Variants in TIMM13 observed in about 807,000 individuals in gnomAD.
The protein encoded by TIMM13 is translocase of inner mitochondrial membrane 13, also known as mitochondrial import inner membrane translocase subunit Tim13.
TIMM13 carries 8 observed loss-of-function variants against 10.9 expected under a neutral mutation model. The observed-to-expected ratio is 0.73, with a 90% CI of 0.43 to 1.32. The LOEUF is 1.32. TIMM13 is among the 40% of genes most tolerant of loss of function. The probability of loss-of-function intolerance (pLI) is 0.01; values close to 1 mark genes in which losing one functional copy is unlikely to be tolerated. For missense variants in TIMM13, 147 were observed against 132.8 expected (o/e 1.11, Z -0.53); for synonymous variants, 68 against 52.5 (o/e 1.30, Z -1.28).
chr19:2,426,631 C>A lies in TIMM13; in HGVS notation c.*317G>T. ...CAGCTCCTGTGGTGTCTGACCACCCCCAACTCCGAAGTCCAGACAAGCTGT... is the reference window on the plus strand; with the variant it reads ...CAGCTCCTGTGGTGTCTGACCACCCACAACTCCGAAGTCCAGACAAGCTGT... On this transcript the variant is annotated 3_prime_UTR_variant, in exon 3 of 3. Coordinates refer to ENST00000215570, the MANE Select transcript of TIMM13 (RefSeq NM_012458.4). 1 of 474,642 alleles carries A rather than the reference C, an allele frequency of 2.1e-6. No individual in the cohort carries two copies. The allele number at this position is 474,642 out of a possible 1,614,324, so 29.4% of individuals were successfully genotyped here.
At position 2,427,550 on chromosome 19, in the gene TIMM13, C is replaced by T. The variant is rs1240109884; in HGVS notation, c.-17G>A. On this transcript the variant is annotated 5_prime_UTR_variant, in exon 1 of 3. Coordinates refer to ENST00000215570, the MANE Select transcript of TIMM13 (RefSeq NM_012458.4). ...GCCCTCCATGGCTCCGCAAAGTCAA[C>T]CGGACCGAGGCCGCGTGCGCCGACT... 1.3e-6 allele frequency: 2 copies of T among 1,588,842 alleles called. No individual in the cohort carries two copies. The highest frequency in any genetic ancestry group is 8.6e-7 in the Non-Finnish European group (1 of 1,168,792).
In TIMM13 at chr19:2,426,839, C is replaced by T. The variant is rs558178981; in HGVS notation, c.*109G>A. The T allele has an allele frequency of 1.2e-4, 130 of 1,098,420 alleles. 2 individuals are homozygous for T. In the South Asian group the frequency reaches 1.7e-3, roughly 14 times the overall value. 68.0% of individuals were successfully genotyped at this position (1,098,420 alleles called of 1,614,324 possible). On this transcript the variant is annotated 3_prime_UTR_variant, in exon 3 of 3. Coordinates refer to ENST00000215570, the MANE Select transcript of TIMM13 (RefSeq NM_012458.4). ...GAGGACACAGTCCCGTGTGTCCCAG[C>T]ACCGGTGCCACCCTCCTAAGCCCCG...
rs758897814 is a variant in TIMM13 at position 2,426,064 on chromosome 19, G to A, written c.*884C>T. ...CCCGGGTGGCAGCTGTGAGAGGCTG[G>A]ATAGGACAGCACATCCAGGAGTGAC... On this transcript the variant is annotated 3_prime_UTR_variant, in exon 3 of 3. Coordinates refer to ENST00000215570, the MANE Select transcript of TIMM13 (RefSeq NM_012458.4). 1 of 1,609,434 alleles carries A rather than the reference G, an allele frequency of 6.2e-7. No homozygotes were observed.
chr19:2,426,717 G>T lies in TIMM13; in HGVS notation c.*231C>A. The T allele has an allele frequency of 1.7e-6, 1 of 597,196 alleles. No individual in the cohort carries two copies. 37.0% of individuals were successfully genotyped at this position (597,196 alleles called of 1,614,324 possible). On this transcript the variant is annotated 3_prime_UTR_variant, in exon 3 of 3. Coordinates refer to ENST00000215570, the MANE Select transcript of TIMM13 (RefSeq NM_012458.4). ...GGGAATACCCCAAAGGCCTGAAGGA[G>T]GTGCCACTGGGCTGCCAGCACTTCA... is the stretch of plus-strand genomic sequence containing the variant.
At position 2,426,979 on chromosome 19, in the gene TIMM13, G is replaced by C; in HGVS notation, c.257C>G (p.Ser86Trp). 1 of 1,604,682 alleles carries C rather than the reference G, an allele frequency of 6.2e-7. No individual in the cohort carries two copies. The change falls in exon 3 of 3, where the codon TCG (serine) becomes TGG (tryptophan). Residue 86 changes from serine to tryptophan, a missense_variant. Coordinates refer to ENST00000215570, the MANE Select transcript of TIMM13 (RefSeq NM_012458.4). ...GTTGGCTCGTTCCCGCTGCAGCCGCGAGTTGTAGGCGCGAGACACGGTGTT... is the reference window on the plus strand; with the variant it reads ...GTTGGCTCGTTCCCGCTGCAGCCGCCAGTTGTAGGCGCGAGACACGGTGTT... ...AWNTVSRAYN[S>W]RLQRERANM
rs1356395012 is a variant in TIMM13 at position 2,427,526 on chromosome 19, C to T, written c.8G>A (p.Gly3Asp). 22 of 1,604,354 alleles carry T rather than the reference C, an allele frequency of 1.4e-5. No individual in the cohort carries two copies. Among genetic ancestry groups the T allele is most frequent in the Non-Finnish European group, 1.9e-5 (22 of 1,176,192 alleles). MEGGFGSDFGGSG... is the reference protein window; with the variant it reads MEDGFGSDFGGSG... ...GCCCCCGAAATCGGAGCCGAAGCCG[C>T]CCTCCATGGCTCCGCAAAGTCAACC... Residue 3 changes from glycine to aspartate, a missense_variant, in exon 1 of 3, where the codon GGC becomes GAC. Gly to Asp is a moderately conservative substitution (Grantham distance 94, BLOSUM62 -1). Transcript: ENST00000215570.
rs774400755 is a variant in TIMM13 at position 2,427,011 on chromosome 19, G to C, written c.225C>G (p.Asp75Glu). Residue 75 changes from aspartate to glutamate, a missense_variant, in exon 3 of 3, where the codon GAC becomes GAG. Asp to Glu is a conservative substitution (Grantham distance 45, BLOSUM62 2). Coordinates refer to ENST00000215570, the MANE Select transcript of TIMM13 (RefSeq NM_012458.4). Reference protein sequence around the residue: ...CIAMCMDRYMDAWNTVSRAYN... With the variant: ...CIAMCMDRYMEAWNTVSRAYN... Reference sequence around the variant, plus strand: ...AGGCGCGAGACACGGTGTTCCAGGCGTCCATGTAGCGGTCCATGCACATGG... The same window carrying C: ...AGGCGCGAGACACGGTGTTCCAGGCCTCCATGTAGCGGTCCATGCACATGG... The C allele has an allele frequency of 1.1e-5, 17 of 1,609,106 alleles. No individual in the cohort carries two copies. The highest frequency in any genetic ancestry group is 1.4e-5 in the Non-Finnish European group (16 of 1,178,518).
At position 2,426,793 on chromosome 19, in the gene TIMM13, G is replaced by T; in HGVS notation, c.*155C>A. ...GAGATCCAAGCTGCACTGGCTGGCA[G>T]GGGGCAGGGCGGGGGGTGGCGAGGA... On this transcript the variant is annotated 3_prime_UTR_variant, in exon 3 of 3. Transcript: ENST00000215570. The T allele has an allele frequency of 1.3e-6, 1 of 765,596 alleles. No homozygotes were observed. Among genetic ancestry groups the T allele is most frequent in the Non-Finnish European group, 2.1e-6 (1 of 465,436 alleles). The allele number at this position is 765,596 out of a possible 1,614,324, so 47.4% of individuals were successfully genotyped here.
chr19:2,425,831 GA>G lies in TIMM13; in HGVS notation c.*1116del. 6.9e-7 allele frequency: 1 copy of G among 1,448,278 alleles called. No individual in the cohort carries two copies. The highest frequency in any genetic ancestry group is 9.1e-7 in the Non-Finnish European group (1 of 1,098,108). The allele number at this position is 1,448,278 out of a possible 1,614,324, so 89.7% of individuals were successfully genotyped here. A position where few individuals can be genotyped will look rare whatever the true frequency, so the allele number is the denominator to read the frequency against. On this transcript the variant is annotated 3_prime_UTR_variant, in exon 3 of 3. Coordinates refer to ENST00000215570, the MANE Select transcript of TIMM13 (RefSeq NM_012458.4). ...GATAGTGAAAATGCGGCTCCCAGGGGAAGTCACTAGGGTCACTCCTAGAGGG... is the reference window on the plus strand; with the variant it reads ...GATAGTGAAAATGCGGCTCCCAGGGGAGTCACTAGGGTCACTCCTAGAGGG...
Position 2,426,213 on chromosome 19 carries a change from G to A in TIMM13, c.*735C>T, listed in dbSNP as rs1367674426. On this transcript the variant is annotated 3_prime_UTR_variant, in exon 3 of 3. Transcript: ENST00000215570. ...TGGGGGGGCTGTGGGTCATGGGGAT[G>A]CATTTTGGTACCACCCTTTGTTCCA... 7.9e-7 allele frequency: 1 copy of A among 1,262,792 alleles called. No homozygotes were observed. Among genetic ancestry groups the A allele is most frequent in the Non-Finnish European group, 1.1e-6 (1 of 926,790 alleles). The allele number at this position is 1,262,792 out of a possible 1,614,324, so 78.2% of individuals were successfully genotyped here.
At position 2,426,512 on chromosome 19, in the gene TIMM13, C is replaced by G. The variant is rs950796040; in HGVS notation, c.*436G>C. On this transcript the variant is annotated 3_prime_UTR_variant, in exon 3 of 3. Transcript: ENST00000215570. ...ACCCTCCGAGCTGGGGTTCCAGGGA[C>G]ACGCGTCACCTCTTCCCAGAGACCC... The G allele has an allele frequency of 7.1e-6, 2 of 281,538 alleles. No homozygotes were observed. The highest frequency in any genetic ancestry group is 2.3e-5 in the African/African-American group (1 of 44,422). The allele number at this position is 281,538 out of a possible 1,614,324, so 17.4% of individuals were successfully genotyped here. A position where few individuals can be genotyped will look rare whatever the true frequency, so the allele number is the denominator to read the frequency against.
At chr19:2,427,090 G>A in intron 2 of TIMM13, 44 bp from the exon 3 acceptor site, 2 of 1,595,726 alleles carry the variant, frequency 1.3e-6, no homozygotes, top group Non-Finnish European at 1.7e-6. Flanking sequence ...GGACTTCGCG[G>A]CCCCGGGGAC....
rs1356285471 is a variant in TIMM13 at position 2,427,492 on chromosome 19, G to A, written c.42C>T (p.Ser14=). The change falls in exon 1 of 3, where the codon AGC becomes AGT. Residue 14 remains serine (S), a synonymous_variant. Transcript: ENST00000215570. The part of the protein sequence containing the change: ...GFGSDFGGSG[S]GKLDPGLIME... ...TTATGAGCCCTGGGTCCAGCTTCCC[G>A]CTGCCGGAGCCCCCGAAATCGGAGC... 6.8e-6 allele frequency: 11 copies of A among 1,611,482 alleles called. No homozygotes were observed. The highest frequency in any genetic ancestry group is 1.3e-5 in the African/African-American group (1 of 75,016).
chr19:2,427,121 G>T (rs756272838), intron 2 of TIMM13, 75 bp from the exon 3 acceptor site: 2 of 1,578,166 alleles, frequency 1.3e-6, no homozygotes, highest in Admixed American at 3.4e-5. Context: ...CCGGCTCCAG[G>T]ACGCCCGGGC....
Position 2,426,357 on chromosome 19 carries a change from C to A in TIMM13, c.*591G>T, listed in dbSNP as rs1458390166. On this transcript the variant is annotated 3_prime_UTR_variant, in exon 3 of 3. Transcript: ENST00000215570. ...GAACGAAGCAGGGTCAAAGCAAGCC[C>A]TGACAAGGGGAAGGCTGTCCCCCTT... 4.7e-6 allele frequency: 2 copies of A among 428,864 alleles called. No homozygotes were observed. The highest frequency in any genetic ancestry group is 2.8e-5 in the South Asian group (1 of 35,604). The allele number at this position is 428,864 out of a possible 1,614,324, so 26.6% of individuals were successfully genotyped here.
chr19:2,425,778 G>A lies in TIMM13; in HGVS notation c.*1170C>T, dbSNP rs1434476677. On this transcript the variant is annotated 3_prime_UTR_variant, in exon 3 of 3. Transcript: ENST00000215570. ...ACGTGGCGGGTGTCCATAAATGTCT[G>A]CCACCTTTGCATTGAGCCCATTTTC... 60 of 1,271,800 alleles carry A rather than the reference G, an allele frequency of 4.7e-5. No individual in the cohort carries two copies. The highest frequency in any genetic ancestry group is 6.1e-5 in the Non-Finnish European group (58 of 945,732). 78.8% of individuals were successfully genotyped at this position (1,271,800 alleles called of 1,614,324 possible).
At position 2,426,116 on chromosome 19, in the gene TIMM13, T is replaced by A; in HGVS notation, c.*832A>T. 1 of 1,506,714 alleles carries A rather than the reference T, an allele frequency of 6.6e-7. No homozygotes were observed. The highest frequency in any genetic ancestry group is 8.8e-7 in the Non-Finnish European group (1 of 1,133,196). 93.3% of individuals were successfully genotyped at this position (1,506,714 alleles called of 1,614,324 possible). A position where few individuals can be genotyped will look rare whatever the true frequency, so the allele number is the denominator to read the frequency against. ...ACCACGTGACTGCCCAGGCCGAGAC[T>A]CTACGTGAAAGCAACAGGAGCAGCA... is the stretch of plus-strand genomic sequence containing the variant. On this transcript the variant is annotated 3_prime_UTR_variant, in exon 3 of 3. Transcript: ENST00000215570.
In TIMM13 at chr19:2,425,639, G is replaced by C; in HGVS notation, c.*1309C>G. Reference sequence around the variant, plus strand: ...CAAGCAGGGAGCCTTTTTGGCTCTGGAGGAATTTCCACTCCACAGCCGTTT... The same window carrying C: ...CAAGCAGGGAGCCTTTTTGGCTCTGCAGGAATTTCCACTCCACAGCCGTTT... On this transcript the variant is annotated 3_prime_UTR_variant, in exon 3 of 3. Transcript: ENST00000215570. 7.3e-7 allele frequency: 1 copy of C among 1,365,452 alleles called. No individual in the cohort carries two copies. Among genetic ancestry groups the C allele is most frequent in the East Asian group, 2.9e-5 (1 of 34,366 alleles). 84.6% of individuals were successfully genotyped at this position (1,365,452 alleles called of 1,614,324 possible).
intron 2 of TIMM13, 98 bp downstream of exon 2, chr19:2,427,158 C>T: frequency 6.4e-7 from 1 of 1,570,288 alleles, no homozygotes; most frequent in Non-Finnish European, 8.7e-7. Flanking sequence ...GCAGTGACCA[C>T]TCCGTCGCAC....
Sources: gnomAD v4.1 joint callset for allele counts on GRCh38, gnomAD v4.1.1 for gene constraint, MANE v1.5 for transcripts, NCBI Gene and HGNC (gene_info 2026-07-23, HGNC 2026-07-21) for gene names.